NOTCH3: variants seen among roughly 807,000 people sequenced by gnomAD.
The protein encoded by NOTCH3 is notch receptor 3.
NOTCH3 carries 86 observed loss-of-function variants against 213.3 expected under a neutral mutation model. That is an observed-to-expected ratio of 0.40 (90% CI 0.34 to 0.48). The LOEUF is 0.48. Ranked by LOEUF, NOTCH3 falls within the 20% of genes least tolerant of loss-of-function variation. NOTCH3 has a pLI of 0.57. For synonymous variants in NOTCH3, 1,354 were observed against 1,355.9 expected (o/e 1.00, Z 0.03); for missense variants, 2,783 against 3,272.6 (o/e 0.85, Z 3.65).
chr19:15,183,990 C>T (rs888456031), intron 16 of NOTCH3, among the ~76,000 whole-genome samples: 24 of 126,160 alleles, frequency 1.9e-4, no homozygotes, highest in African/African-American at 6.8e-4. Flanking sequence ...TTGCAGTGAG[C>T]GATGATTGCA....
rs531053655 is a variant in NOTCH3, at chr19:15,194,285, G to A, written c.198-1766C>T. Among the ~76,000 whole-genome samples, 27 of 152,204 alleles carry A rather than the reference G, an allele frequency of 1.8e-4. 1 individual carries two copies. The South Asian group carries it at 5.6e-3, about 32-fold the overall frequency. ...GAGGCAGCCAAAAGGAGATTTGGGT[G>A]GGAGAAGGAAGAGAAGAAGACAGAG... On this transcript the variant is annotated intron_variant, in intron 2 of 32. Transcript: ENST00000263388.
At chr19:15,196,468 G>A (rs2046971505) in intron 2 of NOTCH3, among the ~76,000 whole-genome samples, 3 of 152,118 alleles carry the variant, frequency 2.0e-5, no homozygotes, top group Admixed American at 2.0e-4. Flanking sequence ...CTTCAAAGCG[G>A]CTCTTCTTGG....
chr19:15,191,471 T>C lies in NOTCH3; in HGVS notation c.989A>G (p.His330Arg). The C allele has an allele frequency of 6.2e-7, 1 of 1,613,422 alleles. No individual in the cohort carries two copies. Among genetic ancestry groups the C allele is most frequent in the Non-Finnish European group, 8.5e-7 (1 of 1,180,014 alleles). The stretch of plus-strand genomic sequence containing the variant: ...ACAGTAGAAAGAAGCCACGCGGTCA[T>C]GGCAGGTGGCCCCATGGAAGCACAC... Reference protein sequence around the residue: ...TAVCFHGATCHDRVASFYCAC... With the variant: ...TAVCFHGATCRDRVASFYCAC... Residue 330 changes from histidine (H) to arginine (R), a missense_variant, in exon 6 of 33, where the codon CAT becomes CGT. His to Arg is a conservative substitution (Grantham distance 29, BLOSUM62 0). Coordinates refer to ENST00000263388, the MANE Select transcript of NOTCH3 (RefSeq NM_000435.3).
rs1470587175 is a variant in NOTCH3, at chr19:15,160,033, G to A, written c.*629C>T. 2 of 234,002 alleles carry A rather than the reference G, an allele frequency of 8.5e-6. No individual in the cohort carries two copies. Among genetic ancestry groups the A allele is most frequent in the East Asian group, 1.2e-4 (2 of 16,580 alleles). The allele number at this position is 234,002 out of a possible 1,614,324, so 14.5% of individuals were successfully genotyped here. A position where few individuals can be genotyped will look rare whatever the true frequency, so the allele number is the denominator to read the frequency against. On this transcript the variant is annotated 3_prime_UTR_variant, in exon 33 of 33. Coordinates refer to ENST00000263388, the MANE Select transcript of NOTCH3 (RefSeq NM_000435.3). ...TGAAGTGAGGGAGGTGGGGTGGGGA[G>A]GAGGCTCCCAACACTCCCCCGACCC... is the stretch of plus-strand genomic sequence containing the variant.
intron 15 of NOTCH3, 45 bp downstream of exon 15, chr19:15,184,861 G>T (rs1467017708): frequency 6.5e-6 from 7 of 1,076,856 alleles, no homozygotes; most frequent in Non-Finnish European, 9.8e-6. Flanking sequence ...AGGGTAGGGG[G>T]CAGAGGAGAT....
In NOTCH3 at chr19:15,185,629, C is replaced by T. The variant is rs1254694515; in HGVS notation, c.2002G>A (p.Glu668Lys). 17 of 1,613,502 alleles carry T rather than the reference C, an allele frequency of 1.1e-5. No homozygotes were observed. Among genetic ancestry groups the T allele is most frequent in the Non-Finnish European group, 1.4e-5 (16 of 1,180,028 alleles). ...INECASSPCGEGGSCVDGENG... is the reference protein window; with the variant it reads ...INECASSPCGKGGSCVDGENG... ...TCCCCATCCACACAGGAACCTCCCT[C>T]GCCGCATGGGCTGGAAGCACACTCA... The change falls in exon 13 of 33, where the codon GAG becomes AAG. Residue 668 changes from glutamate to lysine, a missense_variant. Physicochemically the swap from Glu to Lys is moderately conservative, Grantham distance 56 (BLOSUM62 1). Around this residue, in one of 6 missense-constraint regions of NOTCH3, gnomAD observed 861 missense variants for 909.1 expected, o/e 0.95. Transcript: ENST00000263388. The surrounding 1 kb of genome is among the most constrained non-coding windows in gnomAD (Gnocchi z 4.2).
chr19:15,188,285 C>T lies in NOTCH3; in HGVS notation c.1442G>A (p.Gly481Asp), dbSNP rs2145434936. The change falls in exon 9 of 33, where the codon GGT becomes GAT. Residue 481 changes from glycine (G) to aspartate (D), a missense_variant. By Grantham distance (94) the Gly-to-Asp change is moderately conservative. Around this residue, in one of 6 missense-constraint regions of NOTCH3, gnomAD observed 708 missense variants for 906.6 expected, o/e 0.78. Coordinates refer to ENST00000263388, the MANE Select transcript of NOTCH3 (RefSeq NM_000435.3). The stretch of plus-strand genomic sequence containing the variant: ...ATTGACTCGGTCCTTGCAGACCCCA[C>T]CGTTGACACAGGGGCTACTCTGACA... ...DECQSSPCVN[G>D]GVCKDRVNGF... 2 of 1,607,628 alleles carry T rather than the reference C, an allele frequency of 1.2e-6. No individual in the cohort carries two copies. The highest frequency in any genetic ancestry group is 1.7e-6 in the Non-Finnish European group (2 of 1,176,968).
chr19:15,183,513 C>T (rs950639643), intron 16 of NOTCH3, among the ~76,000 whole-genome samples: 4 of 152,092 alleles, frequency 2.6e-5, no homozygotes, highest in African/African-American at 9.7e-5. Context: ...GATTCTCCTG[C>T]CTCAGCCTCC....
chr19:15,184,683 C>A (rs1342558149), intron 15 of NOTCH3, among the ~76,000 whole-genome samples: 1 of 152,196 alleles, frequency 6.6e-6, no homozygotes, highest in Non-Finnish European at 1.5e-5. Context: ...GTACCCTAAA[C>A]CCCGCCCTAA....
At chr19:15,195,440 C>T (rs942834852) in intron 2 of NOTCH3, among the ~76,000 whole-genome samples, 1 of 151,864 alleles carries the variant, frequency 6.6e-6, no homozygotes, top group African/African-American at 2.4e-5. Context: ...CTCCGCCCCC[C>T]GACGCTGCCA....
intron 1 of NOTCH3, among the ~76,000 whole-genome samples, chr19:15,199,906 G>A (rs1051001700): frequency 6.6e-6 from 1 of 152,086 alleles, no homozygotes; most frequent in Non-Finnish European, 1.5e-5. Context: ...TAGCGGTGAG[G>A]GGGGTGCCCC....
intron 2 of NOTCH3, among the ~76,000 whole-genome samples, chr19:15,196,535 G>A (rs1341253108): frequency 2.0e-5 from 3 of 152,162 alleles, no homozygotes; most frequent in African/African-American, 4.8e-5. Context: ...TGGCACACAT[G>A]ATGCTGAATA....
Position 15,178,068 on chromosome 19 carries a change from T to G in NOTCH3, c.3860A>C (p.Glu1287Ala). The change falls in exon 24 of 33, where the codon GAG (glutamate) becomes GCG (alanine). Residue 1287 changes from glutamate (E) to alanine (A), a missense_variant. Glu to Ala is a moderately radical substitution (Grantham distance 107). This residue lies in a region of NOTCH3 where 861 missense variants were observed against 909.1 expected (regional missense o/e 0.95). Transcript: ENST00000263388. ...CTCCCGGCAGGAGCGCGCCACCCGC[T>G]CGCAACGCGGACCCCAGAACGGCTG... is the stretch of plus-strand genomic sequence containing the variant. ...CAQPFWGPRC[E>A]RVARSCRELQ... The G allele has an allele frequency of 2.6e-6, 4 of 1,518,470 alleles. No individual in the cohort carries two copies. The highest frequency in any genetic ancestry group is 3.5e-6 in the Non-Finnish European group (4 of 1,139,040). The allele number at this position is 1,518,470 out of a possible 1,614,324, so 94.1% of individuals were successfully genotyped here. A position where few individuals can be genotyped will look rare whatever the true frequency, so the allele number is the denominator to read the frequency against.
rs763238354 is a variant in NOTCH3 at position 15,185,490 on chromosome 19, C to T, written c.2141G>A (p.Gly714Asp). 21 of 1,612,858 alleles carry T rather than the reference C, an allele frequency of 1.3e-5. No individual in the cohort carries two copies. The East Asian group carries it at 4.7e-4, about 36-fold the overall frequency. Residue 714 changes from glycine (G) to aspartate (D), a missense_variant, in exon 13 of 33, where the codon GGC becomes GAC. Coordinates refer to ENST00000263388, the MANE Select transcript of NOTCH3 (RefSeq NM_000435.3). This position sits in a 1 kb window ranked among gnomAD's most constrained non-coding sequence, Gnocchi z 4.2. ...CSHGICYDAP[G>D]GFRCVCEPGW... ...TGAGGCTGAGAAGGGCCCTCACCCG[C>T]CAGGTGCATCATAGCAGATGCCGTG...
intron 31 of NOTCH3, among the ~76,000 whole-genome samples, chr19:15,164,619 T>C (rs8107180): frequency 0.9 from 136,320 of 151,192 alleles, 61,788 homozygotes; most frequent in African/African-American, 0.98. Flanking sequence ...TTCATTTGCC[T>C]CAGTCACATT....
chr19:15,188,401 G>T (rs760949166), intron 8 of NOTCH3, 53 bp from the exon 9 acceptor site: 1 of 1,185,742 alleles, frequency 8.4e-7, no homozygotes, highest in South Asian at 1.3e-5. Flanking sequence ...TGGTGTGAAC[G>T]GGGTGCAAGG....
chr19:15,179,594 A>G (rs2046822525), intron 20 of NOTCH3, 98 bp from the exon 21 acceptor site: 2 of 1,373,844 alleles, frequency 1.5e-6, no homozygotes, highest in Admixed American at 3.7e-5. Context: ...ACAAAAGGAC[A>G]CACACAGATG....
chr19:15,181,505 C>T lies in NOTCH3; in HGVS notation c.2792+71G>A, dbSNP rs1461704386. The stretch of plus-strand genomic sequence containing the variant: ...GGACTCCCCCAAGTCGTTGCTGTCC[C>T]CACTTCGTCCCAGGTCCCAGGCCCC... On this transcript the variant is annotated intron_variant, in intron 17 of 32. Transcript: ENST00000263388. 7 of 1,316,274 alleles carry T rather than the reference C, an allele frequency of 5.3e-6. No individual in the cohort carries two copies. The Admixed American group carries it at 6.0e-5, about 11-fold the overall frequency. 81.5% of individuals were successfully genotyped at this position (1,316,274 alleles called of 1,614,324 possible).
At position 15,187,892 on chromosome 19, in the gene NOTCH3, C is replaced by A; in HGVS notation, c.1595G>T (p.Arg532Leu). The A allele has an allele frequency of 1.3e-6, 2 of 1,548,846 alleles. No individual in the cohort carries two copies. Among genetic ancestry groups the A allele is most frequent in the Non-Finnish European group, 1.7e-6 (2 of 1,146,532 alleles). ...CVDQPDGYEC[R>L]CAEGFEGTLC... ...TTGGCCCGCCTCACCCTCGGCACAG[C>A]GGCACTCGTAGCCATCGGGCTGGTC... Residue 532 changes from arginine (R) to leucine (L), a missense_variant, in exon 10 of 33, where the codon CGC becomes CTC. Physicochemically the swap from Arg to Leu is moderately radical, Grantham distance 102. Transcript: ENST00000263388.
Sources: allele counts gnomAD v4.1 joint callset (sites outside exome capture counted in the v4.1 genomes callset), GRCh38; gene constraint gnomAD v4.1.1; regional missense constraint gnomAD v4.1.1; non-coding constraint Gnocchi (gnomAD v3.1); transcripts MANE v1.5; gene names NCBI Gene and HGNC (gene_info 2026-07-23, HGNC 2026-07-21).